MORC4: variants seen among roughly 807,000 people sequenced by gnomAD.
The protein encoded by MORC4 is MORC family CW-type zinc finger protein 4.
In MORC4, 22 loss-of-function variants were observed where a neutral mutation model predicts 65.5. The ratio of observed to expected loss-of-function variants is 0.34; its 90% CI spans 0.24 to 0.48. MORC4 has a LOEUF of 0.48. Among genes scored for constraint, MORC4 ranks in the 20% least tolerant of loss-of-function variants. The pLI is 0.99. For missense variants in MORC4, 624 were observed against 703.0 expected, an observed-to-expected ratio of 0.89 and a Z score of 1.27; for synonymous variants, 267 against 255.8, an observed-to-expected ratio of 1.04 and a Z score of -0.42.
In MORC4 at chrX:106,980,881, G is replaced by A. The variant is rs1347963008; in HGVS notation, c.936+10C>T. The A allele has an allele frequency of 4.2e-6, 5 of 1,202,676 alleles. 1 individual carries two copies. In the South Asian group the frequency reaches 7.1e-5, roughly 17 times the overall value. On this transcript the variant is annotated intron_variant, in intron 7 of 16. Coordinates refer to ENST00000355610, the MANE Select transcript of MORC4 (RefSeq NM_024657.5). Reference sequence around the variant, plus strand: ...GTCAACTTCATGTAGTGGTACACTTGTAAGGATACTGTGAAGGTAGGTTTA... The same window carrying A: ...GTCAACTTCATGTAGTGGTACACTTATAAGGATACTGTGAAGGTAGGTTTA...
At chrX:106,991,013 T>C (rs976685523) in intron 3 of MORC4, among the ~76,000 whole-genome samples, 3 of 111,971 alleles carry the variant, frequency 2.7e-5, no homozygotes, top group Non-Finnish European at 3.8e-5. Context: ...ATTTTTTAAA[T>C]AGGAGGAACA....
chrX:106,995,036 A>C (rs1230988205), intron 2 of MORC4, among the ~76,000 whole-genome samples: 1 of 111,663 alleles, frequency 9.0e-6, no homozygotes, highest in Non-Finnish European at 1.9e-5. Context: ...GAAAATATAC[A>C]GTTAATTGTT....
At chrX:106,960,447 A>G (rs756868115) in intron 10 of MORC4, among the ~76,000 whole-genome samples, 3 of 111,463 alleles carry the variant, frequency 2.7e-5, no homozygotes, top group Admixed American at 1.9e-4. Context: ...GGTTTAGGGG[A>G]CCTGATTACC....
At chrX:106,985,846 A>G in intron 4 of MORC4, 137 bp downstream of exon 4, 1 of 495,599 alleles carries the variant, frequency 2.0e-6, no homozygotes, top group Non-Finnish European at 3.5e-6. Flanking sequence ...ATAGAGAAAA[A>G]TCCCAGTTAA....
intron 4 of MORC4, 148 bp downstream of exon 4, chrX:106,985,835 A>T: frequency 2.1e-6 from 1 of 474,281 alleles, no homozygotes; most frequent in Non-Finnish European, 3.6e-6. Context: ...TTAAATGTTT[A>T]ATAGAGAAAA....
Position 107,000,035 on chromosome X carries a change from C to T in MORC4, c.-66G>A. On this transcript the variant is annotated 5_prime_UTR_variant, in exon 1 of 17. Coordinates refer to ENST00000355610, the MANE Select transcript of MORC4 (RefSeq NM_024657.5). ...CCTGGCCCGGCGGTCCGGGACTAGC[C>T]CTCGCTCACTTCCACTCGCAGCTGG... 2.2e-6 allele frequency: 1 copy of T among 460,426 alleles called. No homozygotes were observed. The highest frequency in any genetic ancestry group is 2.9e-6 in the Non-Finnish European group (1 of 342,930). The allele number at this position is 460,426 out of a possible 1,213,427, so 37.9% of individuals were successfully genotyped here.
At chrX:106,948,609 G>T (rs949569091) in intron 14 of MORC4, among the ~76,000 whole-genome samples, 4 of 111,559 alleles carry the variant, frequency 3.6e-5, no homozygotes, top group Non-Finnish European at 7.5e-5. Context: ...AGTATTTCTT[G>T]TAAGGCAGGT....
rs762478172 is a variant in MORC4, at chrX:106,999,428, G to C, written c.175+249C>G. Among the ~76,000 whole-genome samples the C allele has an allele frequency of 3.6e-5, 4 of 111,860 alleles. No homozygotes were observed. In the East Asian group the frequency reaches 1.1e-3, roughly 32 times the overall value. On this transcript the variant is annotated intron_variant, in intron 2 of 16. Transcript: ENST00000355610. Reference sequence around the variant, plus strand: ...TAAAGTGCCCGAACGTCACGAGCGCGAGAGAAAAACCACACTGGTGTCTTT... The same window carrying C: ...TAAAGTGCCCGAACGTCACGAGCGCCAGAGAAAAACCACACTGGTGTCTTT...
At chrX:106,981,547 C>A in intron 5 of MORC4, 70 bp from the exon 6 acceptor site, 1 of 965,006 alleles carries the variant, frequency 1.0e-6, no homozygotes, top group Non-Finnish European at 1.4e-6. Context: ...CACTAGGAGC[C>A]CAAAAGAAAA....
chrX:106,993,875 T>G (rs1237020658), intron 2 of MORC4, among the ~76,000 whole-genome samples: 1 of 112,346 alleles, frequency 8.9e-6, no homozygotes, highest in Non-Finnish European at 1.9e-5. Context: ...CAGAGAGTAC[T>G]GCCATTCCTG....
chrX:106,978,733 AG>A lies in MORC4; in HGVS notation c.937-535del, dbSNP rs1173663196. Among the ~76,000 whole-genome samples, 9 of 111,543 alleles carry A rather than the reference AG, an allele frequency of 8.1e-5. No homozygotes were observed. In the Admixed American group the frequency reaches 8.6e-4, roughly 11 times the overall value. On this transcript the variant is annotated intron_variant, in intron 7 of 16. Transcript: ENST00000355610. ...CATAAAACATTTCTTAGCCCTTGCTAGTTGCTCAGTTTGCTGCTAGGGCACA... is the reference window on the plus strand; with the variant it reads ...CATAAAACATTTCTTAGCCCTTGCTATTGCTCAGTTTGCTGCTAGGGCACA...
chrX:106,975,724 T>G (rs1341548664), intron 9 of MORC4, among the ~76,000 whole-genome samples: 3 of 111,027 alleles, frequency 2.7e-5, no homozygotes, highest in East Asian at 5.6e-4. Context: ...TACTTCCCTC[T>G]GCTTAGAATG....
chrX:106,988,407 T>C (rs1343157144), intron 3 of MORC4, among the ~76,000 whole-genome samples: 1 of 111,774 alleles, frequency 8.9e-6, no homozygotes, highest in Admixed American at 9.5e-5. Flanking sequence ...GTTGAGAAGA[T>C]AAGTAGTAGT....
At chrX:106,996,837 T>C (rs1357309251) in intron 2 of MORC4, among the ~76,000 whole-genome samples, 1 of 112,156 alleles carries the variant, frequency 8.9e-6, no homozygotes, top group East Asian at 2.8e-4. Context: ...TTCCCCCTGC[T>C]CTCGTTATCT....
chrX:106,950,401 A>G (rs1347920068), intron 14 of MORC4, among the ~76,000 whole-genome samples: 1 of 111,865 alleles, frequency 8.9e-6, no homozygotes, highest in Non-Finnish European at 1.9e-5. Context: ...CTCATCCTTA[A>G]GGCCTGCCTC....
At chrX:106,971,123 G>A (rs1033296446) in intron 9 of MORC4, among the ~76,000 whole-genome samples, 4 of 111,475 alleles carry the variant, frequency 3.6e-5, no homozygotes, top group African/African-American at 1.3e-4. Context: ...CAGATATACA[G>A]ATTAAAGGAA....
Position 106,941,547 on chromosome X carries a change from C to T in MORC4, c.2746G>A (p.Gly916Arg). ...CCATCCACTTGTTCTGAGTCATACCCGATCTCACGAAGCTCCAAGTGAGGG... is the reference window on the plus strand; with the variant it reads ...CCATCCACTTGTTCTGAGTCATACCTGATCTCACGAAGCTCCAAGTGAGGG... ...VLPHLELREI[G>R]YDSEQVDGIL... The change falls in exon 17 of 17, where the codon GGG (glycine) becomes AGG (arginine). Residue 916 changes from glycine to arginine, a missense_variant. Transcript: ENST00000355610. 8.3e-7 allele frequency: 1 copy of T among 1,209,354 alleles called. No individual in the cohort carries two copies. The highest frequency in any genetic ancestry group is 1.1e-6 in the Non-Finnish European group (1 of 893,639).
At chrX:106,996,139 C>A (rs937648882) in intron 2 of MORC4, among the ~76,000 whole-genome samples, 3 of 108,424 alleles carry the variant, frequency 2.8e-5, no homozygotes, top group African/African-American at 1.0e-4. Flanking sequence ...CATCTCAATT[C>A]TTTTCCTCTT....
chrX:106,980,753 T>G (rs1276190334), intron 7 of MORC4, 138 bp downstream of exon 7: 4 of 481,295 alleles, frequency 8.3e-6, no homozygotes, highest in Non-Finnish European at 1.4e-5. Context: ...TTCCTCAGAG[T>G]ACACTGTAAT....
Sources: gnomAD v4.1 joint callset for allele counts (sites outside exome capture counted in the v4.1 genomes callset) on GRCh38, gnomAD v4.1.1 for gene constraint, MANE v1.5 for transcripts, NCBI Gene and HGNC (gene_info 2026-07-23, HGNC 2026-07-21) for gene names.